LARP6: variants seen among roughly 807,000 people sequenced by gnomAD.
The protein encoded by LARP6 is la-related protein 6.
A neutral mutation model predicts 32.8 loss-of-function variants in LARP6; 18 were observed. That is an observed-to-expected ratio of 0.55 (90% CI 0.38 to 0.81). LARP6 has a LOEUF of 0.81. Ranked by LOEUF, LARP6 falls within the 40% of genes least tolerant of loss-of-function variation. LARP6 has a pLI of 0.00. For missense variants in LARP6, 598 were observed against 663.1 expected, an observed-to-expected ratio of 0.90 and a Z score of 1.08; for synonymous variants, 289 against 267.2, an observed-to-expected ratio of 1.08 and a Z score of -0.80.
chr15:70,851,212 A>G (rs997859189), intron 1 of LARP6, among the ~76,000 whole-genome samples: 1 of 152,252 alleles, frequency 6.6e-6, no homozygotes, highest in Non-Finnish European at 1.5e-5. Flanking sequence ...TGTGTAAAAC[A>G]TACCTCAAAT....
At chr15:70,846,654 T>TACATACATACATAATA (rs2032352495) in intron 1 of LARP6, among the ~76,000 whole-genome samples, 1 of 83,728 alleles carries the variant, frequency 1.2e-5, no homozygotes, top group African/African-American at 3.5e-5. Flanking sequence ...ACATACATAA[T>TACATACATACATAATA]AAAAAAAAAA....
chr15:70,845,270 A>G (rs1045757148), intron 1 of LARP6, among the ~76,000 whole-genome samples: 1 of 152,122 alleles, frequency 6.6e-6, no homozygotes, highest in African/African-American at 2.4e-5. Context: ...GGACACCACA[A>G]TACATTAACA....
At position 70,853,908 on chromosome 15, in the gene LARP6, C is replaced by G. The variant is rs2032566787; in HGVS notation, c.181G>C (p.Glu61Gln). Residue 61 changes from glutamate (E) to glutamine (Q), a missense_variant, in exon 1 of 3, where the codon GAG becomes CAG. Coordinates refer to ENST00000299213, the MANE Select transcript of LARP6 (RefSeq NM_018357.4). ...SPGWGSASEEEPSRGHSGTTA... is the reference protein window; with the variant it reads ...SPGWGSASEEQPSRGHSGTTA... ...GCCTACCTGTGCCCGCGGCTCGGCT[C>G]CTCCTCGCTCGCGCTGCCCCAGCCG... is the stretch of plus-strand genomic sequence containing the variant. The G allele has an allele frequency of 2.9e-6, 4 of 1,364,362 alleles. No individual in the cohort carries two copies. The highest frequency in any genetic ancestry group is 1.5e-5 in the African/African-American group (1 of 66,562). 84.5% of individuals were successfully genotyped at this position (1,364,362 alleles called of 1,614,324 possible).
At chr15:70,851,938 A>T in intron 1 of LARP6, 1 of 596,822 alleles carries the variant, frequency 1.7e-6, no homozygotes, top group Non-Finnish European at 2.9e-6. Context: ...GACACAAAAT[A>T]GCCCCCTATG....
intron 1 of LARP6, among the ~76,000 whole-genome samples, chr15:70,851,240 TAC>T (rs2032442465): frequency 6.6e-6 from 1 of 152,242 alleles, no homozygotes; most frequent in African/African-American, 2.4e-5. Context: ...GGAAAACACA[TAC>T]ATTGTATATC....
At position 70,832,613 on chromosome 15, in the gene LARP6, A is replaced by C; in HGVS notation, c.915T>G (p.Asn305Lys). ...TGCTCGCAGTGGGCTCCTCGTCATG[A>C]TTTTTGTCTTTGGCAGGTTTCTTTT... ...PPKKKPAKDK[N>K]HDEEPTASIH... is the part of the protein sequence containing the mutation. Residue 305 changes from asparagine (N) to lysine (K), a missense_variant, in exon 3 of 3, where the codon AAT (asparagine) becomes AAG (lysine). Coordinates refer to ENST00000299213, the MANE Select transcript of LARP6 (RefSeq NM_018357.4). 1 of 1,606,490 alleles carries C rather than the reference A, an allele frequency of 6.2e-7. No individual in the cohort carries two copies.
chr15:70,839,558 A>C (rs886082267), intron 1 of LARP6, among the ~76,000 whole-genome samples: 7 of 152,258 alleles, frequency 4.6e-5, no homozygotes, highest in Admixed American at 3.3e-4. Flanking sequence ...CCCAACATCC[A>C]ATAACAAACA....
rs746141490 is a variant in LARP6 at position 70,836,489 on chromosome 15, C to T, written c.217G>A (p.Gly73Arg). ...SRGHSGTTASGGENEREDLEQ... is the reference protein window; with the variant it reads ...SRGHSGTTASRGENEREDLEQ... Reference sequence around the variant, plus strand: ...AGGTCCTCACGCTCGTTCTCACCTCCACTTGCAGTGGTGCCACTGAGACCA... The same window carrying T: ...AGGTCCTCACGCTCGTTCTCACCTCTACTTGCAGTGGTGCCACTGAGACCA... The change falls in exon 2 of 3, where the codon GGA (glycine) becomes AGA (arginine). Residue 73 changes from glycine (G) to arginine (R), a missense_variant. Coordinates refer to ENST00000299213, the MANE Select transcript of LARP6 (RefSeq NM_018357.4). 2.5e-6 allele frequency: 4 copies of T among 1,614,198 alleles called. No individual in the cohort carries two copies. Among genetic ancestry groups the T allele is most frequent in the Middle Eastern group, 3.3e-4 (2 of 6,062 alleles).
chr15:70,847,130 A>G (rs1342960552), intron 1 of LARP6, among the ~76,000 whole-genome samples: 3 of 152,218 alleles, frequency 2.0e-5, no homozygotes, highest in African/African-American at 7.2e-5. Flanking sequence ...AGGGCAAATC[A>G]TACCTATCAG....
At position 70,829,916 on chromosome 15, in the gene LARP6, C is replaced by G. The variant is rs1344071118; in HGVS notation, c.*2136G>C. ...GTGTAACAGGCATAATAGGGTGGAACAGCCTTGAATGTCACAGGCCAAGAA... is the reference window on the plus strand; with the variant it reads ...GTGTAACAGGCATAATAGGGTGGAAGAGCCTTGAATGTCACAGGCCAAGAA... On this transcript the variant is annotated 3_prime_UTR_variant, in exon 3 of 3. Transcript: ENST00000299213. The G allele has an allele frequency of 6.6e-6, 1 of 152,378 alleles. No individual in the cohort carries two copies. The highest frequency in any genetic ancestry group is 1.5e-5 in the Non-Finnish European group (1 of 68,088). The allele number at this position is 152,378 out of a possible 1,614,324, so 9.4% of individuals were successfully genotyped here.
intron 1 of LARP6, chr15:70,852,249 G>T: frequency 2.2e-6 from 1 of 455,258 alleles, no homozygotes; most frequent in Non-Finnish European, 4.4e-6. Context: ...GGGATTTTCT[G>T]GGGTCAACTC....
Position 70,832,174 on chromosome 15 carries a change from G to T in LARP6, c.1354C>A (p.Pro452Thr). Residue 452 changes from proline to threonine, a missense_variant, in exon 3 of 3, where the codon CCC (proline) becomes ACC (threonine). Transcript: ENST00000299213. The stretch of plus-strand genomic sequence containing the variant: ...GTCTGCATCTTCCGGGAGAGCAGGG[G>T]ACTCGTACCGGGGCTTTTCTCCTGG... ...GTQEKSPGTS[P>T]LLSRKMQTAD... 3 of 1,613,902 alleles carry T rather than the reference G, an allele frequency of 1.9e-6. No homozygotes were observed. The highest frequency in any genetic ancestry group is 1.7e-6 in the Non-Finnish European group (2 of 1,179,886).
chr15:70,854,096 G>C lies in LARP6; in HGVS notation c.-8C>G. On this transcript the variant is annotated 5_prime_UTR_variant, in exon 1 of 3. Transcript: ENST00000299213. ...CCCGCCGGACTGGGCCATGGCTCGC[G>C]GGACTGCGGCGCCGCCGGGGTCCTC... The C allele has an allele frequency of 7.9e-7, 1 of 1,268,584 alleles. No individual in the cohort carries two copies. The highest frequency in any genetic ancestry group is 1.0e-6 in the Non-Finnish European group (1 of 1,003,796). The allele number at this position is 1,268,584 out of a possible 1,614,324, so 78.6% of individuals were successfully genotyped here.
At chr15:70,851,650 G>C (rs2032456691) in intron 1 of LARP6, 8 of 1,613,858 alleles carry the variant, frequency 5.0e-6, no homozygotes, top group Non-Finnish European at 6.8e-6. Flanking sequence ...TATGTGCTGG[G>C]TGCTGTGCTA....
At chr15:70,839,687 A>G (rs1335321438) in intron 1 of LARP6, among the ~76,000 whole-genome samples, 1 of 151,834 alleles carries the variant, frequency 6.6e-6, no homozygotes. Context: ...GGTTCACGCC[A>G]TTCTCCTGCC....
At position 70,832,917 on chromosome 15, in the gene LARP6, T is replaced by TG. The variant is rs745455539; in HGVS notation, c.610dup (p.Gln204ProfsTer39). ...CTTCTCTTGCACCCTTCCATTCTTCTGGGGGGTGGCCAGAGCCCACAGCTT... is the reference window on the plus strand; with the variant it reads ...CTTCTCTTGCACCCTTCCATTCTTCTGGGGGGGTGGCCAGAGCCCACAGCTT... On this transcript the variant is annotated frameshift_variant, in exon 3 of 3. Coordinates refer to ENST00000299213, the MANE Select transcript of LARP6 (RefSeq NM_018357.4). LOFTEE classifies it high-confidence loss of function. The TG allele has an allele frequency of 6.2e-7, 1 of 1,602,786 alleles. No homozygotes were observed. The highest frequency in any genetic ancestry group is 8.5e-7 in the Non-Finnish European group (1 of 1,174,944).
In LARP6 at chr15:70,841,911, A is replaced by G. The variant is rs1001902439; in HGVS notation, c.201-5406T>C. 6.6e-5 allele frequency among the ~76,000 whole-genome samples: 10 copies of G among 152,088 alleles called. 1 individual carries two copies. The highest frequency in any genetic ancestry group is 2.2e-4 in the African/African-American group (9 of 41,418). On this transcript the variant is annotated intron_variant, in intron 1 of 2. Transcript: ENST00000299213. ...CAGCAATGCAAGAATGGCCTCACAC[A>G]GTCTTCTTGCCCCTGATGCAGGATC...
At chr15:70,839,934 T>A (rs1345484143) in intron 1 of LARP6, among the ~76,000 whole-genome samples, 1 of 152,230 alleles carries the variant, frequency 6.6e-6, no homozygotes, top group African/African-American at 2.4e-5. Flanking sequence ...TGGCCTGATT[T>A]GTTGGCATTA....
At chr15:70,842,296 C>G (rs577089329) in intron 1 of LARP6, among the ~76,000 whole-genome samples, 1 of 152,106 alleles carries the variant, frequency 6.6e-6, no homozygotes, top group African/African-American at 2.4e-5. Flanking sequence ...GATCCACCCA[C>G]GTCAGCCTCC....
Sources: gnomAD v4.1 joint callset for allele counts (sites outside exome capture counted in the v4.1 genomes callset) on GRCh38, gnomAD v4.1.1 for gene constraint, MANE v1.5 for transcripts, NCBI Gene and HGNC (gene_info 2026-07-23, HGNC 2026-07-21) for gene names.